RFX6: variants seen among roughly 807,000 people sequenced by gnomAD.
RFX6 encodes the protein regulatory factor X6.
A neutral mutation model predicts 110.8 loss-of-function variants in RFX6; 50 were observed. The ratio of observed to expected loss-of-function variants is 0.45; its 90% CI spans 0.36 to 0.57. The LOEUF (loss-of-function observed/expected upper bound fraction) is 0.57, where lower values mean the gene tolerates loss of function less well. RFX6 is among the 20% of genes least tolerant of loss of function. RFX6 has a pLI of 0.00. For missense variants in RFX6, 990 were observed against 1,127.0 expected (o/e 0.88, Z 1.74); for synonymous variants, 383 against 411.2 (o/e 0.93, Z 0.83).
chr6:116,922,615 T>C (rs187617215), intron 13 of RFX6, among the ~76,000 whole-genome samples: 8 of 152,286 alleles, frequency 5.3e-5, no homozygotes, highest in Admixed American at 6.5e-5. Context: ...TAGTCACCCA[T>C]TGTGAAACAA....
intron 4 of RFX6, among the ~76,000 whole-genome samples, chr6:116,890,840 A>G (rs574762583): frequency 6.6e-6 from 1 of 152,310 alleles, no homozygotes; most frequent in Admixed American, 6.5e-5. Flanking sequence ...TAGAGGCATT[A>G]AATATTTCTA....
rs597688 is a variant in RFX6 at position 116,928,684 on chromosome 6, A to G, written c.2399-75A>G. ...GATATCTTTAGGACGTCACCTCATT[A>G]CTTTGTCACTTTTTTCCTTCCTGAA... On this transcript the variant is annotated intron_variant, in intron 17 of 18. Transcript: ENST00000332958. 0.23 allele frequency: 224,939 copies of G among 958,130 alleles called. 29,828 individuals are homozygous for G. Among genetic ancestry groups the G allele is most frequent in the South Asian group, 0.41 (32,012 of 77,772 alleles). The allele number at this position is 958,130 out of a possible 1,614,324, so 59.4% of individuals were successfully genotyped here. A position where few individuals can be genotyped will look rare whatever the true frequency, so the allele number is the denominator to read the frequency against.
At chr6:116,912,691 C>T (rs1344539081) in intron 7 of RFX6, among the ~76,000 whole-genome samples, 1 of 151,876 alleles carries the variant, frequency 6.6e-6, no homozygotes, top group African/African-American at 2.4e-5. Context: ...TGTAAATATA[C>T]CTGGTGAGAG....
intron 4 of RFX6, among the ~76,000 whole-genome samples, chr6:116,893,680 G>T (rs1479978392): frequency 6.6e-6 from 1 of 152,152 alleles, no homozygotes; most frequent in Admixed American, 6.5e-5. Context: ...TATACTTAGA[G>T]CCAAAGCCTA....
chr6:116,929,563 T>A (rs1190599684), intron 18 of RFX6, among the ~76,000 whole-genome samples: 1 of 152,228 alleles, frequency 6.6e-6, no homozygotes, highest in Non-Finnish European at 1.5e-5. Context: ...CCGTGAAGCC[T>A]CCTGGAATCT....
intron 10 of RFX6, 59 bp from the exon 11 acceptor site, chr6:116,919,078 T>C (rs988386034): frequency 6.9e-7 from 1 of 1,450,500 alleles, no homozygotes; most frequent in African/African-American, 1.4e-5. Flanking sequence ...TCAATTAAAA[T>C]ATGATTGTTT....
intron 6 of RFX6, among the ~76,000 whole-genome samples, chr6:116,909,444 T>C (rs1378518762): frequency 1.3e-5 from 2 of 151,962 alleles, no homozygotes; most frequent in African/African-American, 4.8e-5. Context: ...ATATTATTTT[T>C]CCCTATTTAT....
chr6:116,903,906 T>A (rs189530737), intron 6 of RFX6, among the ~76,000 whole-genome samples: 1 of 152,128 alleles, frequency 6.6e-6, no homozygotes, highest in Admixed American at 6.5e-5. Flanking sequence ...ATTCTCCAGG[T>A]AGACATCTAT....
At chr6:116,921,508 T>A (rs1202115958) in intron 12 of RFX6, among the ~76,000 whole-genome samples, 2 of 152,176 alleles carry the variant, frequency 1.3e-5, no homozygotes, top group African/African-American at 4.8e-5. Context: ...AATACACATA[T>A]AAGATTTAAA....
Position 116,922,261 on chromosome 6 carries a change from G to T in RFX6, c.1437+110G>T. 3 of 717,700 alleles carry T rather than the reference G, an allele frequency of 4.2e-6. No individual in the cohort carries two copies. The Admixed American group carries it at 6.0e-5, about 14-fold the overall frequency. The allele number at this position is 717,700 out of a possible 1,614,324, so 44.5% of individuals were successfully genotyped here. A position where few individuals can be genotyped will look rare whatever the true frequency, so the allele number is the denominator to read the frequency against. On this transcript the variant is annotated intron_variant, in intron 13 of 18. Transcript: ENST00000332958. ...AGGGGTGGAAGGCTGTGTGTGTAAAGGCTTTGAAAAGCTTTTGATGCTCTA... is the reference window on the plus strand; with the variant it reads ...AGGGGTGGAAGGCTGTGTGTGTAAATGCTTTGAAAAGCTTTTGATGCTCTA...
chr6:116,877,746 G>A (rs1774494638), intron 1 of RFX6, 50 bp from the exon 2 acceptor site: 2 of 1,585,782 alleles, frequency 1.3e-6, no homozygotes, highest in African/African-American at 1.4e-5. Context: ...AGGCGACTTA[G>A]TTGATTTTAT....
At chr6:116,898,808 A>G (rs1775005820) in intron 6 of RFX6, among the ~76,000 whole-genome samples, 1 of 151,756 alleles carries the variant, frequency 6.6e-6, no homozygotes, top group Non-Finnish European at 1.5e-5. Flanking sequence ...TGTGGCAAAA[A>G]TCATGGAAAG....
intron 7 of RFX6, 39 bp downstream of exon 7, chr6:116,911,081 T>C (rs1169891564): frequency 3.0e-6 from 4 of 1,350,772 alleles, no homozygotes; most frequent in African/African-American, 2.9e-5. Flanking sequence ...TTTTCTGATA[T>C]GTTGGCTCCA....
chr6:116,904,382 C>T (rs148284556), intron 6 of RFX6, among the ~76,000 whole-genome samples: 1 of 151,716 alleles, frequency 6.6e-6, no homozygotes, highest in African/African-American at 2.4e-5. Flanking sequence ...CTTTTTATAT[C>T]TTGTTTTTTA....
chr6:116,931,443 A>C lies in RFX6; in HGVS notation c.2724A>C (p.Glu908Asp), dbSNP rs370603449. 5.0e-6 allele frequency: 8 copies of C among 1,613,504 alleles called. No homozygotes were observed. The highest frequency in any genetic ancestry group is 5.1e-6 in the Non-Finnish European group (6 of 1,179,480). ...ACTCCCATGGAACAAGCAGTAGAGA[A>C]ATGGTGTCCTCTTTACCACCTATCA... ...TLDSHGTSSR[E>D]MVSSLPPINT... The change falls in exon 19 of 19, where the codon GAA becomes GAC. Residue 908 changes from glutamate (E) to aspartate (D), a missense_variant. This residue lies in a region of RFX6 where 438 missense variants were observed against 441.9 expected (regional missense o/e 0.99). Coordinates refer to ENST00000332958, the MANE Select transcript of RFX6 (RefSeq NM_173560.4).
chr6:116,900,421 A>AT (rs1393192828), intron 6 of RFX6, among the ~76,000 whole-genome samples: 17 of 151,944 alleles, frequency 1.1e-4, no homozygotes, highest in Non-Finnish European at 2.4e-4. Flanking sequence ...CACCTGGCTA[A>AT]TTTTTGTGTT....
chr6:116,923,039 C>G (rs867112666), intron 13 of RFX6, 68 bp from the exon 14 acceptor site: 1 of 818,424 alleles, frequency 1.2e-6, no homozygotes, highest in Non-Finnish European at 2.2e-6. Context: ...ACTTCTTGAT[C>G]TAACACAGGA....
At chr6:116,912,297 C>T (rs779792374) in intron 7 of RFX6, among the ~76,000 whole-genome samples, 32 of 150,934 alleles carry the variant, frequency 2.1e-4, no homozygotes, top group Non-Finnish European at 3.5e-4. Context: ...GGTATACTTA[C>T]GTAACAAACA....
chr6:116,898,006 A>G (rs1422611249), intron 6 of RFX6, among the ~76,000 whole-genome samples: 1 of 152,122 alleles, frequency 6.6e-6, no homozygotes, highest in Non-Finnish European at 1.5e-5. Context: ...AAAGTTGTGA[A>G]AAGTGAGAGA....
Sources: allele counts gnomAD v4.1 joint callset (sites outside exome capture counted in the v4.1 genomes callset), GRCh38; gene constraint gnomAD v4.1.1; regional missense constraint gnomAD v4.1.1; transcripts MANE v1.5; gene names NCBI Gene and HGNC (gene_info 2026-07-23, HGNC 2026-07-21).